Variants in RPL37 observed in about 807,000 individuals in gnomAD.
RPL37 encodes the protein ribosomal protein L37.
In RPL37, 1 loss-of-function variant was observed where a neutral mutation model predicts 14.8. The ratio of observed to expected loss-of-function variants is 0.07; its 90% CI spans 0.02 to 0.32. RPL37 has a LOEUF of 0.32. Among genes scored for constraint, RPL37 ranks in the 10% least tolerant of loss-of-function variants. The pLI, the probability that RPL37 is intolerant of heterozygous loss-of-function variation, is 1.00. For synonymous variants in RPL37, 53 were observed against 45.8 expected (o/e 1.16, Z -0.63); for missense variants, 100 against 128.3 (o/e 0.78, Z 1.06).
chr5:40,833,527 T>C (rs528983787), intron 3 of RPL37, among the ~76,000 whole-genome samples: 1 of 152,292 alleles, frequency 6.6e-6, no homozygotes, highest in African/African-American at 2.4e-5. Flanking sequence ...AGGCCAAGAC[T>C]TGAGTAACAA....
At position 40,831,527 on chromosome 5, in the gene RPL37, AAC is replaced by A. The variant is rs1255083040; in HGVS notation, c.*975_*976del. ...GTTAAGAACCTCAGATGTTATTCTA[AAC>A]ACAGTGGAGAATTATAATTTAAATA... On this transcript the variant is annotated 3_prime_UTR_variant, in exon 4 of 4. Transcript: ENST00000274242. 1 of 152,322 alleles carries A rather than the reference AAC, an allele frequency of 6.6e-6. No individual in the cohort carries two copies. The highest frequency in any genetic ancestry group is 1.5e-5 in the Non-Finnish European group (1 of 68,036). The allele number at this position is 152,322 out of a possible 1,614,324, so 9.4% of individuals were successfully genotyped here. A position where few individuals can be genotyped will look rare whatever the true frequency, so the allele number is the denominator to read the frequency against.
In RPL37 at chr5:40,831,106, G is replaced by A. The variant is rs1258565311; in HGVS notation, c.*1398C>T. 1 of 152,060 alleles carries A rather than the reference G, an allele frequency of 6.6e-6. No individual in the cohort carries two copies. Among genetic ancestry groups the A allele is most frequent in the Non-Finnish European group, 1.5e-5 (1 of 68,052 alleles). The allele number at this position is 152,060 out of a possible 1,614,324, so 9.4% of individuals were successfully genotyped here. On this transcript the variant is annotated 3_prime_UTR_variant, in exon 4 of 4. Transcript: ENST00000274242. ...AGAATACAAAAAGAATTAGTCGAGTGAATCTCCATCTCTACAAAAAACACA... is the reference window on the plus strand; with the variant it reads ...AGAATACAAAAAGAATTAGTCGAGTAAATCTCCATCTCTACAAAAAACACA...
Position 40,825,527 on chromosome 5 carries a change from T to G in RPL37, c.*6977A>C, listed in dbSNP as rs1471011057. ...ACTCTGAGGCTTCTGGCTTCTTATC[T>G]CTCCTCTCTTGGGGAGCTGCTGCTT... On this transcript the variant is annotated 3_prime_UTR_variant, in exon 4 of 4. Transcript: ENST00000274242. 2 of 152,206 alleles carry G rather than the reference T, an allele frequency of 1.3e-5. No individual in the cohort carries two copies. Among genetic ancestry groups the G allele is most frequent in the Non-Finnish European group, 2.9e-5 (2 of 68,090 alleles). The allele number at this position is 152,206 out of a possible 1,614,324, so 9.4% of individuals were successfully genotyped here.
rs1745502876 is a variant in RPL37, at chr5:40,825,769, A to C, written c.*6735T>G. 6.6e-6 allele frequency: 1 copy of C among 152,192 alleles called. No individual in the cohort carries two copies. Among genetic ancestry groups the C allele is most frequent in the Non-Finnish European group, 1.5e-5 (1 of 68,110 alleles). The allele number at this position is 152,192 out of a possible 1,614,324, so 9.4% of individuals were successfully genotyped here. A position where few individuals can be genotyped will look rare whatever the true frequency, so the allele number is the denominator to read the frequency against. ...CACTGAGGCTGGAGTGCAGTGGTGC[A>C]ATCTCAGCTCACTGCAGTCTCAACT... is the stretch of plus-strand genomic sequence containing the variant. On this transcript the variant is annotated 3_prime_UTR_variant, in exon 4 of 4. Coordinates refer to ENST00000274242, the MANE Select transcript of RPL37 (RefSeq NM_000997.5).
intron 3 of RPL37, among the ~76,000 whole-genome samples, chr5:40,833,218 T>C (rs1045857075): frequency 6.6e-6 from 1 of 152,226 alleles, no homozygotes; most frequent in African/African-American, 2.4e-5. Flanking sequence ...TGTCTTGCTA[T>C]CTTTAAAACT....
At position 40,831,703 on chromosome 5, in the gene RPL37, C is replaced by G. The variant is rs1193314627; in HGVS notation, c.*801G>C. The G allele has an allele frequency of 6.6e-6, 1 of 152,196 alleles. No homozygotes were observed. The highest frequency in any genetic ancestry group is 1.5e-5 in the Non-Finnish European group (1 of 68,022). The allele number at this position is 152,196 out of a possible 1,614,324, so 9.4% of individuals were successfully genotyped here. ...AAAACCCCCAACCCTGTCAATAAAC[C>G]ACGAAAACTAGGAAGGCACGACAGC... is the stretch of plus-strand genomic sequence containing the variant. On this transcript the variant is annotated 3_prime_UTR_variant, in exon 4 of 4. Transcript: ENST00000274242.
At position 40,834,249 on chromosome 5, in the gene RPL37, C is replaced by T. The variant is rs556052601; in HGVS notation, c.156G>A (p.Lys52=). Residue 52 remains lysine (K), a synonymous_variant, in exon 3 of 4, where the codon AAG becomes AAA. Coordinates refer to ENST00000274242, the MANE Select transcript of RPL37 (RefSeq NM_000997.5). ...KRKRKYNWSA[K]AKRRNTTGTG... ...TTCCGGTGGTATTTCGTCTTTTAGC[C>T]TTGGCACTCCAGTTATCTAAAACAT... 1.2e-6 allele frequency: 2 copies of T among 1,614,064 alleles called. No homozygotes were observed. The highest frequency in any genetic ancestry group is 2.7e-5 in the African/African-American group (2 of 75,046).
At chr5:40,835,149 A>G in intron 1 of RPL37, 34 bp downstream of exon 1, 1 of 1,614,046 alleles carries the variant, frequency 6.2e-7, no homozygotes, top group Non-Finnish European at 8.5e-7. Flanking sequence ...ACGAGGATGG[A>G]ACGCGATTCA....
At chr5:40,833,287 C>T (rs542158101) in intron 3 of RPL37, among the ~76,000 whole-genome samples, 1 of 152,310 alleles carries the variant, frequency 6.6e-6, no homozygotes, top group East Asian at 1.9e-4. Flanking sequence ...TTCAATTTTG[C>T]ACTGGACAAT....
Position 40,834,246 on chromosome 5 carries a change from A to G in RPL37, c.159T>C (p.Ala53=), listed in dbSNP as rs747856187. Residue 53 remains alanine (A), a synonymous_variant, in exon 3 of 4, where the codon GCT becomes GCC. Transcript: ENST00000274242. The part of the protein sequence containing the change: ...RKRKYNWSAK[A]KRRNTTGTGR... ...CAGTTCCGGTGGTATTTCGTCTTTT[A>G]GCCTTGGCACTCCAGTTATCTAAAA... 6.2e-7 allele frequency: 1 copy of G among 1,614,014 alleles called. No homozygotes were observed. Among genetic ancestry groups the G allele is most frequent in the East Asian group, 2.2e-5 (1 of 44,902 alleles).
rs193015898 is a variant in RPL37, at chr5:40,832,189, T to C, written c.*315A>G. 882 of 303,714 alleles carry C rather than the reference T, an allele frequency of 2.9e-3. 14 individuals carry two copies. The highest frequency in any genetic ancestry group is 8.4e-4 in the Non-Finnish European group (130 of 154,842). 18.8% of individuals were successfully genotyped at this position (303,714 alleles called of 1,614,324 possible). ...ATACTCTTTCAAATTTACTCAAACATCTAAAATACCCACCTATGCCACATG... is the reference window on the plus strand; with the variant it reads ...ATACTCTTTCAAATTTACTCAAACACCTAAAATACCCACCTATGCCACATG... On this transcript the variant is annotated 3_prime_UTR_variant, in exon 4 of 4. Coordinates refer to ENST00000274242, the MANE Select transcript of RPL37 (RefSeq NM_000997.5).
At chr5:40,832,747 C>A (rs1461992564) in intron 3 of RPL37, 174 bp from the exon 4 acceptor site, 1 of 746,260 alleles carries the variant, frequency 1.3e-6, no homozygotes, top group Admixed American at 1.7e-5. Flanking sequence ...AAATTCTTCA[C>A]TTTGCTTAAA....
rs1416844567 is a variant in RPL37, at chr5:40,831,397, G to T, written c.*1107C>A. On this transcript the variant is annotated 3_prime_UTR_variant, in exon 4 of 4. Coordinates refer to ENST00000274242, the MANE Select transcript of RPL37 (RefSeq NM_000997.5). Reference sequence around the variant, plus strand: ...AGTGAATGTTCTGAAGCTGAGACCTGAAGGGTAAATTAGGAGTTAAAATAC... The same window carrying T: ...AGTGAATGTTCTGAAGCTGAGACCTTAAGGGTAAATTAGGAGTTAAAATAC... The T allele has an allele frequency of 6.6e-6, 1 of 152,366 alleles. No homozygotes were observed. The highest frequency in any genetic ancestry group is 2.4e-5 in the African/African-American group (1 of 41,450). The allele number at this position is 152,366 out of a possible 1,614,324, so 9.4% of individuals were successfully genotyped here.
chr5:40,834,473 T>C lies in RPL37; in HGVS notation c.137A>G (p.Lys46Arg). ...KCGYPAKRKR[K>R]YNWSAKAKRR... The stretch of plus-strand genomic sequence containing the variant: ...TTGGCCTGAAAAATGTTACTTACAC[T>C]TTCTCTTGCGCTTGGCAGGGTAGCC... The change falls in exon 2 of 4, where the codon AAG becomes AGG. Residue 46 changes from lysine (K) to arginine (R), a missense_variant and splice_region_variant. By Grantham distance (26) the Lys-to-Arg change is conservative. This residue lies in a region of RPL37 where 74 missense variants were observed against 69.9 expected (regional missense o/e 1.06). Coordinates refer to ENST00000274242, the MANE Select transcript of RPL37 (RefSeq NM_000997.5). 1 of 1,612,620 alleles carries C rather than the reference T, an allele frequency of 6.2e-7. No individual in the cohort carries two copies. Among genetic ancestry groups the C allele is most frequent in the South Asian group, 1.1e-5 (1 of 90,754 alleles).
In RPL37 at chr5:40,825,307, CTG is replaced by C. The variant is rs917759027; in HGVS notation, c.*7195_*7196del. The C allele has an allele frequency of 1.3e-5, 2 of 152,210 alleles. No individual in the cohort carries two copies. Among genetic ancestry groups the C allele is most frequent in the Non-Finnish European group, 2.9e-5 (2 of 68,032 alleles). 9.4% of individuals were successfully genotyped at this position (152,210 alleles called of 1,614,324 possible). A position where few individuals can be genotyped will look rare whatever the true frequency, so the allele number is the denominator to read the frequency against. ...ATTAAAGAAATGCATTCCAGCAACA[CTG>C]TCAGCATCTTTATTACCAAAGAAAT... On this transcript the variant is annotated 3_prime_UTR_variant, in exon 4 of 4. Coordinates refer to ENST00000274242, the MANE Select transcript of RPL37 (RefSeq NM_000997.5).
chr5:40,833,952 T>G, intron 3 of RPL37: 85 of 520,490 alleles, frequency 1.6e-4, no homozygotes, highest in Middle Eastern at 5.3e-4. Context: ...GCGGCTGAGA[T>G]GAGATTACCT....
At position 40,828,508 on chromosome 5, in the gene RPL37, A is replaced by G. The variant is rs191519203; in HGVS notation, c.*3996T>C. The G allele has an allele frequency of 2.6e-5, 4 of 152,318 alleles. No homozygotes were observed. Among genetic ancestry groups the G allele is most frequent in the Non-Finnish European group, 5.9e-5 (4 of 68,024 alleles). The allele number at this position is 152,318 out of a possible 1,614,324, so 9.4% of individuals were successfully genotyped here. A position where few individuals can be genotyped will look rare whatever the true frequency, so the allele number is the denominator to read the frequency against. ...GGAACCACAGAATAGGTAAACTTCC[A>G]AAAGTATCTAGTGTTGTCTTTTAAA... On this transcript the variant is annotated 3_prime_UTR_variant, in exon 4 of 4. Coordinates refer to ENST00000274242, the MANE Select transcript of RPL37 (RefSeq NM_000997.5).
intron 3 of RPL37, chr5:40,833,738 C>A (rs1745693239): frequency 6.3e-6 from 1 of 159,610 alleles, no homozygotes; most frequent in Non-Finnish European, 1.3e-5. Context: ...ATTTATACTA[C>A]TGTTTAGTGA....
intron 3 of RPL37, 104 bp from the exon 4 acceptor site, chr5:40,832,677 G>T (rs776174652): frequency 2.4e-6 from 2 of 850,014 alleles, no homozygotes; most frequent in South Asian, 2.6e-5. Flanking sequence ...GTTAAATGCT[G>T]AAATCAATAC....
Sources: gnomAD v4.1 joint callset for allele counts (sites outside exome capture counted in the v4.1 genomes callset) on GRCh38, gnomAD v4.1.1 for gene constraint, gnomAD v4.1.1 regional missense constraint, MANE v1.5 for transcripts, NCBI Gene and HGNC (gene_info 2026-07-23, HGNC 2026-07-21) for gene names.